Variants in DGKI observed in about 807,000 individuals in gnomAD.
DGKI encodes diacylglycerol kinase iota, also known as DAG kinase iota.
In DGKI, 55 loss-of-function variants were observed where a neutral mutation model predicts 147.5. The ratio of observed to expected loss-of-function variants is 0.37; its 90% CI spans 0.30 to 0.47. The LOEUF is 0.47. Ranked by LOEUF, DGKI falls within the 20% of genes least tolerant of loss-of-function variation. The pLI, the probability that DGKI is intolerant of heterozygous loss-of-function variation, is 1.00. For missense variants in DGKI, 1,007 were observed against 1,323.8 expected, an observed-to-expected ratio of 0.76 and a Z score of 3.71; for synonymous variants, 469 against 477.1, an observed-to-expected ratio of 0.98 and a Z score of 0.22.
At chr7:137,740,035 T>C (rs1388204285) in intron 1 of DGKI, among the ~76,000 whole-genome samples, 6 of 152,160 alleles carry the variant, frequency 3.9e-5, no homozygotes, top group African/African-American at 4.8e-5. Context: ...CCTCACTCTG[T>C]TGGAATAAAG....
chr7:137,637,928 G>C (rs1269114346), intron 6 of DGKI, among the ~76,000 whole-genome samples: 1 of 151,796 alleles, frequency 6.6e-6, no homozygotes, highest in East Asian at 1.9e-4. Context: ...TTTACACCTG[G>C]GGCAAAGACT....
intron 6 of DGKI, among the ~76,000 whole-genome samples, chr7:137,638,496 A>G (rs1385962025): frequency 2.7e-5 from 3 of 111,748 alleles, no homozygotes; most frequent in Non-Finnish European, 5.4e-5. Flanking sequence ...ATACACACAT[A>G]TATATGTATA....
intron 1 of DGKI, among the ~76,000 whole-genome samples, chr7:137,721,081 CT>C (rs1040780754): frequency 6.6e-6 from 1 of 152,206 alleles, no homozygotes; most frequent in Non-Finnish European, 1.5e-5. Context: ...TCACATCCTA[CT>C]TTTTAACTGC....
chr7:137,426,818 G>C (rs1812828922), intron 28 of DGKI, among the ~76,000 whole-genome samples: 1 of 151,834 alleles, frequency 6.6e-6, no homozygotes, highest in Non-Finnish European at 1.5e-5. Flanking sequence ...ATTACATAAT[G>C]GTAAAGGGAT....
intron 2 of DGKI, among the ~76,000 whole-genome samples, chr7:137,679,377 G>A (rs908527558): frequency 4.0e-5 from 6 of 150,818 alleles, no homozygotes; most frequent in African/African-American, 4.9e-5. Flanking sequence ...TGTGTAGTGC[G>A]GTATTGGGGA....
At chr7:137,801,784 A>G (rs1019995058) in intron 1 of DGKI, among the ~76,000 whole-genome samples, 2 of 152,160 alleles carry the variant, frequency 1.3e-5, no homozygotes, top group Non-Finnish European at 2.9e-5. Flanking sequence ...GAAGAAATCA[A>G]TATGGGTTTG....
intron 12 of DGKI, among the ~76,000 whole-genome samples, chr7:137,590,790 T>G (rs1819581856): frequency 6.6e-6 from 1 of 152,180 alleles, no homozygotes; most frequent in Non-Finnish European, 1.5e-5. Flanking sequence ...CCTCGTGGGC[T>G]CAAGCGATTC....
intron 5 of DGKI, among the ~76,000 whole-genome samples, chr7:137,648,399 T>C (rs1477021216): frequency 6.6e-6 from 1 of 152,224 alleles, no homozygotes; most frequent in Non-Finnish European, 1.5e-5. Context: ...CAACAATTAT[T>C]TAGAAATCTT....
chr7:137,632,238 C>G (rs1821146411), intron 6 of DGKI, among the ~76,000 whole-genome samples: 1 of 152,166 alleles, frequency 6.6e-6, no homozygotes, highest in South Asian at 2.1e-4. Flanking sequence ...AATGGATGAT[C>G]AAGAGAGATG....
At chr7:137,545,667 C>A (rs1817839402) in intron 20 of DGKI, among the ~76,000 whole-genome samples, 1 of 152,164 alleles carries the variant, frequency 6.6e-6, no homozygotes, top group Non-Finnish European at 1.5e-5. Context: ...CAACCATGGA[C>A]CCTAAAGTAT....
intron 1 of DGKI, among the ~76,000 whole-genome samples, chr7:137,732,618 T>C (rs1175284015): frequency 6.6e-6 from 1 of 152,070 alleles, no homozygotes; most frequent in East Asian, 1.9e-4. Flanking sequence ...CAAGCTATTA[T>C]AATGTTTGCT....
chr7:137,731,500 A>G (rs1230764677), intron 1 of DGKI, among the ~76,000 whole-genome samples: 1 of 152,082 alleles, frequency 6.6e-6, no homozygotes, highest in East Asian at 1.9e-4. Flanking sequence ...CATCATCGTC[A>G]TCTTCTTCTT....
intron 19 of DGKI, among the ~76,000 whole-genome samples, chr7:137,557,286 T>C (rs1254867517): frequency 6.6e-6 from 1 of 151,796 alleles, no homozygotes; most frequent in Non-Finnish European, 1.5e-5. Flanking sequence ...TTACTAAGGA[T>C]AGTTGGAAAG....
chr7:137,705,020 A>C (rs112051547), intron 1 of DGKI, among the ~76,000 whole-genome samples: 2 of 152,216 alleles, frequency 1.3e-5, no homozygotes, highest in African/African-American at 4.8e-5. Flanking sequence ...AAAATGCTCA[A>C]TACTTTAGCT....
intron 27 of DGKI, among the ~76,000 whole-genome samples, chr7:137,458,786 A>G (rs1339824635): frequency 6.6e-6 from 1 of 152,254 alleles, no homozygotes; most frequent in African/African-American, 2.4e-5. Flanking sequence ...AATGAAATAT[A>G]GTCTTGTCAC....
chr7:137,675,143 C>T (rs1822986264), intron 3 of DGKI, among the ~76,000 whole-genome samples: 2 of 152,252 alleles, frequency 1.3e-5, no homozygotes, highest in South Asian at 4.1e-4. Flanking sequence ...AGCATTTAAA[C>T]TAAAGACTCG....
At chr7:137,397,544 G>GA in intron 30 of DGKI, 131 bp from the exon 31 acceptor site, 1 of 807,248 alleles carries the variant, frequency 1.2e-6, no homozygotes, top group Non-Finnish European at 2.0e-6. Flanking sequence ...AAGACAGAAA[G>GA]AAAAATAAAA....
chr7:137,634,465 T>C (rs1821241157), intron 6 of DGKI, among the ~76,000 whole-genome samples: 1 of 152,202 alleles, frequency 6.6e-6, no homozygotes, highest in Non-Finnish European at 1.5e-5. Flanking sequence ...TTCTGGCAGG[T>C]TACTGTACTC....
chr7:137,442,651 C>A (rs568065853), intron 28 of DGKI, among the ~76,000 whole-genome samples: 2 of 152,270 alleles, frequency 1.3e-5, no homozygotes, highest in Admixed American at 1.3e-4. Context: ...ACTTAATGGG[C>A]CTGAACATAA....
Sources: gnomAD v4.1 joint callset for allele counts (sites outside exome capture counted in the v4.1 genomes callset) on GRCh38, gnomAD v4.1.1 for gene constraint, MANE v1.5 for transcripts, NCBI Gene and HGNC (gene_info 2026-07-23, HGNC 2026-07-21) for gene names.